BRCC3: variants seen among roughly 807,000 people sequenced by gnomAD.
The protein encoded by BRCC3 is BRCA1/BRCA2-containing complex subunit 3, also known as lys-63-specific deubiquitinase BRCC36.
A neutral mutation model predicts 28.0 loss-of-function variants in BRCC3; 15 were observed. The ratio of observed to expected loss-of-function variants is 0.54; its 90% confidence interval spans 0.36 to 0.82. BRCC3 has a LOEUF of 0.82. BRCC3 is among the 40% of genes least tolerant of loss of function. The pLI, the probability that BRCC3 is intolerant of heterozygous loss-of-function variation, is 0.01. For synonymous variants in BRCC3, 66 were observed against 80.3 expected, an observed-to-expected ratio of 0.82 and a Z score of 0.95; for missense variants, 109 against 225.9, an observed-to-expected ratio of 0.48 and a Z score of 3.32.
chrX:155,120,919 T>C (rs1479162085), intron 10 of BRCC3, among the ~76,000 whole-genome samples: 1 of 112,373 alleles, frequency 8.9e-6, no homozygotes, highest in Non-Finnish European at 1.9e-5. Flanking sequence ...AGAAAAGACA[T>C]ACTTTTCTGT....
intron 5 of BRCC3, among the ~76,000 whole-genome samples, chrX:155,083,558 A>G (rs1471789028): frequency 4.5e-5 from 5 of 111,782 alleles, no homozygotes; most frequent in African/African-American, 1.6e-4. Context: ...TTGCCACTAT[A>G]CTGGATTCTT....
intron 7 of BRCC3, among the ~76,000 whole-genome samples, chrX:155,091,159 A>C (rs1004036383): frequency 8.9e-6 from 1 of 112,317 alleles, no homozygotes; most frequent in East Asian, 2.8e-4. Context: ...CAAAGACTGA[A>C]CATGCAGAGT....
chrX:155,106,190 GT>G (rs2124294804), intron 7 of BRCC3, among the ~76,000 whole-genome samples: 1 of 111,927 alleles, frequency 8.9e-6, no homozygotes, highest in African/African-American at 3.2e-5. Context: ...CGGGAGTGTT[GT>G]TTTTCTCATA....
At chrX:155,077,096 G>T in intron 3 of BRCC3, 74 bp from the exon 4 acceptor site, 1 of 898,830 alleles carries the variant, frequency 1.1e-6, no homozygotes. Context: ...ATAATAAAAT[G>T]CAATTCTATA....
At chrX:155,119,571 C>T (rs2074377165) in intron 9 of BRCC3, among the ~76,000 whole-genome samples, 2 of 112,161 alleles carry the variant, frequency 1.8e-5, no homozygotes, top group Non-Finnish European at 3.8e-5. Flanking sequence ...ATATACATAA[C>T]AGTTTATATA....
chrX:155,082,992 A>AT (rs1389030345), intron 5 of BRCC3, among the ~76,000 whole-genome samples: 11 of 111,935 alleles, frequency 9.8e-5, no homozygotes, highest in African/African-American at 3.6e-4. Context: ...TTATGACTAG[A>AT]TTCAGGTTAT....
intron 7 of BRCC3, among the ~76,000 whole-genome samples, chrX:155,104,890 CATATGCCTAAGAGTGTATACTCAAA>C (rs1324320307): frequency 2.7e-5 from 3 of 112,874 alleles, no homozygotes; most frequent in African/African-American, 9.7e-5. Context: ...TGAGTTTGGA[CATATGCCTAAGAGTGTATACTCAAA>C]ATACTTAGCT....
intron 5 of BRCC3, among the ~76,000 whole-genome samples, chrX:155,080,417 A>G (rs2074076414): frequency 1.8e-5 from 2 of 109,986 alleles, no homozygotes; most frequent in Non-Finnish European, 3.8e-5. Context: ...AGGAGTTTGT[A>G]ATGCAGCAGT....
intron 7 of BRCC3, among the ~76,000 whole-genome samples, chrX:155,106,498 T>C (rs1409443597): frequency 1.8e-5 from 2 of 112,597 alleles, no homozygotes; most frequent in Non-Finnish European, 3.8e-5. Context: ...CCTAATATCT[T>C]CTTTAGAACA....
intron 5 of BRCC3, among the ~76,000 whole-genome samples, chrX:155,082,558 C>A (rs1179605120): frequency 2.7e-5 from 3 of 112,476 alleles, no homozygotes; most frequent in Non-Finnish European, 5.6e-5. Context: ...TTTGCTTTAT[C>A]ATATTCTCCC....
chrX:155,120,527 TTA>T (rs3214777), intron 10 of BRCC3, among the ~76,000 whole-genome samples: 1 of 112,276 alleles, frequency 8.9e-6, no homozygotes, highest in East Asian at 2.8e-4. Context: ...CTAGAATATT[TTA>T]TGTTTCAATT....
intron 7 of BRCC3, among the ~76,000 whole-genome samples, chrX:155,108,734 C>T (rs922928234): frequency 9.0e-6 from 1 of 111,542 alleles, no homozygotes; most frequent in Non-Finnish European, 1.9e-5. Flanking sequence ...TTTCTTAGTA[C>T]TTCAAAAGAA....
intron 3 of BRCC3, among the ~76,000 whole-genome samples, chrX:155,074,656 A>G (rs1557293168): frequency 8.9e-6 from 1 of 112,324 alleles, no homozygotes; most frequent in African/African-American, 3.2e-5. Flanking sequence ...ATACATTCCA[A>G]TCTTAATAAT....
rs1343263432 is a variant in BRCC3, at chrX:155,115,631, C to T, written c.549-426C>T. Among the ~76,000 whole-genome samples, 3 of 112,521 alleles carry T rather than the reference C, an allele frequency of 2.7e-5. No homozygotes were observed. In the Admixed American group the frequency reaches 2.8e-4, roughly 10 times the overall value. ...GAGTTAGAACAAGTGAGTAATCCCA[C>T]CTACATAATGAATGTGATGGAGTCA... On this transcript the variant is annotated intron_variant, in intron 7 of 10. Coordinates refer to ENST00000330045, the MANE Select transcript of BRCC3 (RefSeq NM_001018055.3).
At position 155,074,658 on chromosome X, in the gene BRCC3, C is replaced by G. The variant is rs1409190962; in HGVS notation, c.195+1227C>G. 1.8e-4 allele frequency among the ~76,000 whole-genome samples: 20 copies of G among 112,282 alleles called. 1 individual carries two copies. The highest frequency in any genetic ancestry group is 9.4e-4 in the Admixed American group (10 of 10,596). On this transcript the variant is annotated intron_variant, in intron 3 of 10. Coordinates refer to ENST00000330045, the MANE Select transcript of BRCC3 (RefSeq NM_001018055.3). Reference sequence around the variant, plus strand: ...ATCAGTTACTAAGATACATTCCAATCTTAATAATGTAATTTTATTATTCAA... The same window carrying G: ...ATCAGTTACTAAGATACATTCCAATGTTAATAATGTAATTTTATTATTCAA...
intron 3 of BRCC3, among the ~76,000 whole-genome samples, chrX:155,075,291 C>CCCCTGAAACTCCT: frequency 9.5e-6 from 1 of 105,326 alleles, no homozygotes; most frequent in African/African-American, 3.6e-5. Flanking sequence ...CCCACTCTTT[C>CCCCTGAAACTCCT]CCCTGGCCCT....
intron 9 of BRCC3, among the ~76,000 whole-genome samples, chrX:155,118,275 C>T (rs1210004242): frequency 9.2e-6 from 1 of 108,394 alleles, no homozygotes; most frequent in African/African-American, 3.3e-5. Flanking sequence ...ACAAAAAGGA[C>T]GCGTCTCAAG....
chrX:155,082,516 C>A (rs2074091825), intron 5 of BRCC3, among the ~76,000 whole-genome samples: 1 of 111,933 alleles, frequency 8.9e-6, no homozygotes, highest in South Asian at 3.7e-4. Flanking sequence ...GTATGAAGAA[C>A]CAGATGCAAC....
In BRCC3 at chrX:155,090,860, T is replaced by C. The variant is rs782403465; in HGVS notation, c.548+21T>C. 6.8e-5 allele frequency: 75 copies of C among 1,095,444 alleles called. No individual in the cohort carries two copies. The South Asian group carries it at 1.3e-3, about 19-fold the overall frequency. The allele number at this position is 1,095,444 out of a possible 1,213,427, so 90.3% of individuals were successfully genotyped here. A position where few individuals can be genotyped will look rare whatever the true frequency, so the allele number is the denominator to read the frequency against. ...TCAGAGTAAGTATGAGAGAGACTTA[T>C]GTGTGTATTGGAGGGCTAATCTCCA... On this transcript the variant is annotated intron_variant, in intron 7 of 10. Coordinates refer to ENST00000330045, the MANE Select transcript of BRCC3 (RefSeq NM_001018055.3).
Sources: gnomAD v4.1 joint callset for allele counts (sites outside exome capture counted in the v4.1 genomes callset) on GRCh38, gnomAD v4.1.1 for gene constraint, MANE v1.5 for transcripts, NCBI Gene and HGNC (gene_info 2026-07-23, HGNC 2026-07-21) for gene names.